Variants in LAMA3 observed in about 807,000 individuals in gnomAD.
LAMA3 encodes laminin subunit alpha 3.
LAMA3 carries 281 observed loss-of-function variants against 402.0 expected under a neutral mutation model. That is an observed-to-expected ratio of 0.70 (90% CI 0.63 to 0.77). The LOEUF (loss-of-function observed/expected upper bound fraction) is 0.77, where lower values mean the gene tolerates loss of function less well. Among genes scored for constraint, LAMA3 ranks in the 30% least tolerant of loss-of-function variants. LAMA3 has a pLI of 0.00. For missense variants in LAMA3, 3,840 were observed against 4,215.5 expected (o/e 0.91, Z 2.47); for synonymous variants, 1,431 against 1,558.4 (o/e 0.92, Z 1.93).
chr18:23,817,870 A>T (rs1411554943), intron 18 of LAMA3, among the ~76,000 whole-genome samples: 1 of 152,188 alleles, frequency 6.6e-6, no homozygotes, highest in Admixed American at 6.5e-5. Context: ...AAATGCCTGC[A>T]TAAAACGTTT....
intron 1 of LAMA3, among the ~76,000 whole-genome samples, chr18:23,711,320 A>G (rs1439434991): frequency 1.3e-5 from 2 of 152,178 alleles, no homozygotes; most frequent in Non-Finnish European, 1.5e-5. Context: ...TATATTTGAT[A>G]TATATAGTTT....
chr18:23,938,985 C>T (rs754388259), intron 67 of LAMA3, among the ~76,000 whole-genome samples: 6 of 152,196 alleles, frequency 3.9e-5, no homozygotes, highest in Non-Finnish European at 7.4e-5. Flanking sequence ...GATCTGGCTT[C>T]GGGAAAGGTT....
intron 40 of LAMA3, among the ~76,000 whole-genome samples, chr18:23,884,334 C>T (rs942506122): frequency 1.3e-5 from 2 of 152,146 alleles, no homozygotes; most frequent in Non-Finnish European, 2.9e-5. Context: ...AACTTTTCTT[C>T]CCAGAAGGCA....
At chr18:23,894,772 T>A in intron 43 of LAMA3, 135 bp from the exon 44 acceptor site, 1 of 1,093,032 alleles carries the variant, frequency 9.1e-7, no homozygotes, top group Admixed American at 1.9e-5. Flanking sequence ...CATCCATCCC[T>A]GAGAAGGCCA....
intron 42 of LAMA3, among the ~76,000 whole-genome samples, chr18:23,891,050 C>T (rs985397557): frequency 3.3e-5 from 5 of 152,172 alleles, no homozygotes; most frequent in South Asian, 2.1e-4. Flanking sequence ...GGAGAAAAGG[C>T]GTACACAATT....
At chr18:23,702,449 A>G (rs1217588391) in intron 1 of LAMA3, among the ~76,000 whole-genome samples, 1 of 152,004 alleles carries the variant, frequency 6.6e-6, no homozygotes, top group Non-Finnish European at 1.5e-5. Context: ...TCAGCCTCCC[A>G]AGTAGCTGGG....
intron 2 of LAMA3, among the ~76,000 whole-genome samples, chr18:23,731,467 A>G (rs1367132684): frequency 6.6e-6 from 1 of 152,204 alleles, no homozygotes; most frequent in African/African-American, 2.4e-5. Flanking sequence ...TCTTTGCTCA[A>G]TGTATTATCT....
At chr18:23,847,753 C>A in intron 32 of LAMA3, 85 bp downstream of exon 32, 4 of 1,381,022 alleles carry the variant, frequency 2.9e-6, no homozygotes, top group Non-Finnish European at 4.0e-6. Context: ...TCACTTTCCA[C>A]TTCCCACCTG....
intron 6 of LAMA3, among the ~76,000 whole-genome samples, chr18:23,755,117 T>A (rs887563826): frequency 1.3e-5 from 2 of 152,162 alleles, no homozygotes; most frequent in African/African-American, 4.8e-5. Context: ...ATCTCCTATC[T>A]CCCTAAGACA....
chr18:23,899,097 T>C (rs576350657), intron 46 of LAMA3, 32 bp downstream of exon 46: 3 of 1,557,270 alleles, frequency 1.9e-6, no homozygotes, highest in South Asian at 1.1e-5. Context: ...AATTACATTT[T>C]TTTTGGTTAC....
In LAMA3 at chr18:23,867,875, A is replaced by G; in HGVS notation, c.4725A>G (p.Pro1575=). The part of the protein sequence containing the change: ...MSIIYEETNT[P]RPDRLHHGRV... ...TCATCTATGAGGAGACAAACACCCC[A>G]CGGCCAGACCGGCTGCATCATGGAC... Residue 1575 remains proline (P), a synonymous_variant, in exon 37 of 75, where the codon CCA becomes CCG. Transcript: ENST00000313654. The G allele has an allele frequency of 1.9e-6, 3 of 1,614,102 alleles. No individual in the cohort carries two copies. The highest frequency in any genetic ancestry group is 2.5e-6 in the Non-Finnish European group (3 of 1,179,974).
intron 1 of LAMA3, among the ~76,000 whole-genome samples, chr18:23,697,622 C>T (rs554329012): frequency 3.9e-5 from 6 of 152,222 alleles, no homozygotes; most frequent in African/African-American, 1.4e-4. Context: ...AAGAAGTGCT[C>T]ATTGGAGCTT....
chr18:23,941,216 G>A (rs1414740203), intron 68 of LAMA3, among the ~76,000 whole-genome samples: 1 of 151,702 alleles, frequency 6.6e-6, no homozygotes, highest in Non-Finnish European at 1.5e-5. Flanking sequence ...GATTACAGGC[G>A]TGAGCCACCG....
intron 38 of LAMA3, among the ~76,000 whole-genome samples, chr18:23,875,381 A>G (rs1055808920): frequency 8.5e-5 from 13 of 152,192 alleles, no homozygotes; most frequent in African/African-American, 2.9e-4. Context: ...AAAATGCATA[A>G]CTTGTATTAT....
rs962502452 is a variant in LAMA3, at chr18:23,879,199, C to A, written c.5113-2737C>A. Among the ~76,000 whole-genome samples the A allele has an allele frequency of 6.6e-6, 1 of 152,210 alleles. No individual in the cohort carries two copies. Among genetic ancestry groups the A allele is most frequent in the Non-Finnish European group, 1.5e-5 (1 of 68,048 alleles). ...ATGGTGCTCCTCTGAGGCTCACAGA[C>A]GGAAGGAAGCCCACGACCCTTAGCA... On this transcript the variant is annotated intron_variant, in intron 39 of 74. Transcript: ENST00000313654. This position sits in a 1 kb window ranked among gnomAD's most constrained non-coding sequence, Gnocchi z 4.2.
intron 1 of LAMA3, among the ~76,000 whole-genome samples, chr18:23,693,677 T>A (rs960434529): frequency 6.6e-6 from 1 of 152,254 alleles, no homozygotes; most frequent in South Asian, 2.1e-4. Flanking sequence ...TAACTAGATA[T>A]TATTTGTTTA....
At chr18:23,809,309 T>C (rs1169094233) in intron 12 of LAMA3, among the ~76,000 whole-genome samples, 1 of 152,248 alleles carries the variant, frequency 6.6e-6, no homozygotes, top group East Asian at 1.9e-4. Flanking sequence ...CAGCTGGTAC[T>C]GGAATCCAGA....
intron 35 of LAMA3, among the ~76,000 whole-genome samples, chr18:23,864,555 CT>C (rs1261028660): frequency 6.6e-6 from 1 of 152,126 alleles, no homozygotes; most frequent in East Asian, 1.9e-4. Flanking sequence ...AAGGTATCTT[CT>C]TGCTTGTAAA....
intron 12 of LAMA3, among the ~76,000 whole-genome samples, chr18:23,785,304 G>A (rs991272100): frequency 3.3e-5 from 5 of 152,022 alleles, no homozygotes; most frequent in African/African-American, 1.2e-4. Flanking sequence ...CTGAACACTG[G>A]AGGATATTAG....
Sources: allele counts gnomAD v4.1 joint callset (sites outside exome capture counted in the v4.1 genomes callset), GRCh38; gene constraint gnomAD v4.1.1; non-coding constraint Gnocchi (gnomAD v3.1); transcripts MANE v1.5; gene names NCBI Gene and HGNC (gene_info 2026-07-23, HGNC 2026-07-21).